The following TNFRSF1B variants were observed in gnomAD, a reference collection of about 807,000 sequenced individuals.
TNFRSF1B encodes the protein TNF receptor superfamily member 1B.
A neutral mutation model predicts 44.6 loss-of-function variants in TNFRSF1B; 19 were observed. The observed-to-expected ratio is 0.43, with a 90% CI of 0.30 to 0.62. TNFRSF1B has a LOEUF of 0.62. TNFRSF1B is among the 20% of genes least tolerant of loss of function. The pLI, the probability that TNFRSF1B is intolerant of heterozygous loss-of-function variation, is 0.16. For synonymous variants in TNFRSF1B, 252 were observed against 261.1 expected (o/e 0.97, Z 0.34); for missense variants, 541 against 619.9 (o/e 0.87, Z 1.35).
intron 1 of TNFRSF1B, 80 bp from the exon 2 acceptor site, chr1:12,188,716 C>A: frequency 7.5e-7 from 1 of 1,329,512 alleles, no homozygotes; most frequent in Non-Finnish European, 1.1e-6. Flanking sequence ...CAAACATTTG[C>A]AGGGCGGGGA....
intron 9 of TNFRSF1B, among the ~76,000 whole-genome samples, chr1:12,203,902 G>T (rs1486350105): frequency 6.6e-6 from 1 of 152,200 alleles, no homozygotes; most frequent in Non-Finnish European, 1.5e-5. Context: ...GCTAACTTTT[G>T]TACTTTTAGT....
intron 7 of TNFRSF1B, 144 bp from the exon 8 acceptor site, chr1:12,194,440 T>C: frequency 2.5e-6 from 2 of 797,516 alleles, no homozygotes; most frequent in Non-Finnish European, 2.1e-6. Flanking sequence ...GGTGGGGGCT[T>C]CTGTGGACCT....
intron 1 of TNFRSF1B, among the ~76,000 whole-genome samples, chr1:12,183,165 G>C (rs1400046917): frequency 6.6e-6 from 1 of 152,200 alleles, no homozygotes; most frequent in Non-Finnish European, 1.5e-5. Flanking sequence ...TCTTAGAGGA[G>C]GGAGCCCAAT....
intron 1 of TNFRSF1B, among the ~76,000 whole-genome samples, chr1:12,176,380 T>C (rs878992383): frequency 1.2e-4 from 19 of 152,176 alleles, no homozygotes; most frequent in African/African-American, 4.1e-4. Context: ...ACCAATTACA[T>C]TGAGAAAACT....
chr1:12,170,107 G>T (rs1451526654), intron 1 of TNFRSF1B, among the ~76,000 whole-genome samples: 1 of 152,222 alleles, frequency 6.6e-6, no homozygotes, highest in Non-Finnish European at 1.5e-5. Flanking sequence ...TTGACTGAGG[G>T]TGTGGTCTGT....
intron 8 of TNFRSF1B, 26 bp downstream of exon 8, chr1:12,194,644 C>A: frequency 1.9e-6 from 3 of 1,613,960 alleles, no homozygotes; most frequent in South Asian, 1.1e-5. Context: ...GCCCTCTCCC[C>A]CTCTTCCCCT....
chr1:12,198,322 A>G (rs1336494045), intron 8 of TNFRSF1B, among the ~76,000 whole-genome samples: 1 of 151,928 alleles, frequency 6.6e-6, no homozygotes, highest in African/African-American at 2.4e-5. Flanking sequence ...CTTGTCCCCC[A>G]TTATATGGCC....
In TNFRSF1B at chr1:12,174,250, C is replaced by T. The variant is rs563802363; in HGVS notation, c.78+7081C>T. On this transcript the variant is annotated intron_variant, in intron 1 of 9. Transcript: ENST00000376259. ...TCCTTCTCCTTCTCCTTCTCCTTCT[C>T]CTTCTCCTTCTTCTTCTGATGGAGT... is the stretch of plus-strand genomic sequence containing the variant. Among the ~76,000 whole-genome samples the T allele has an allele frequency of 7.3e-3, 1,040 of 142,412 alleles. 17 individuals carry two copies. Among genetic ancestry groups the T allele is most frequent in the African/African-American group, 0.026 (957 of 37,136 alleles). The allele number at this position is 142,412 out of a possible 152,430, so 93.4% of individuals were successfully genotyped here. A position where few individuals can be genotyped will look rare whatever the true frequency, so the allele number is the denominator to read the frequency against.
intron 6 of TNFRSF1B, 150 bp from the exon 7 acceptor site, chr1:12,193,805 G>A (rs1258679560): frequency 7.8e-6 from 5 of 643,950 alleles, no homozygotes; most frequent in Non-Finnish European, 1.1e-5. Flanking sequence ...AGACATGATT[G>A]CTTTGTAATT....
rs746492476 is a variant in TNFRSF1B, at chr1:12,177,381, G to A, written c.78+10212G>A. On this transcript the variant is annotated intron_variant, in intron 1 of 9. Coordinates refer to ENST00000376259, the MANE Select transcript of TNFRSF1B (RefSeq NM_001066.3). This position sits in a 1 kb window ranked among gnomAD's most constrained non-coding sequence, Gnocchi z 4.3. ...TTGCAGTCGGTCACAGGGCCAGCCC[G>A]GTCCTGGTCACCGCTGGCTGGTTAC... is the stretch of plus-strand genomic sequence containing the variant. Among the ~76,000 whole-genome samples, 6 of 152,164 alleles carry A rather than the reference G, an allele frequency of 3.9e-5. No homozygotes were observed. Among genetic ancestry groups the A allele is most frequent in the South Asian group, 2.1e-4 (1 of 4,822 alleles).
rs1484244711 is a variant in TNFRSF1B at position 12,169,791 on chromosome 1, TG to T, written c.78+2624del. On this transcript the variant is annotated intron_variant, in intron 1 of 9. Transcript: ENST00000376259. The surrounding 1 kb of genome is among the most constrained non-coding windows in gnomAD (Gnocchi z 4.5). ...GTAAACCTGGCAGTAGGTGAGTGCT[TG>T]GTGCCCTCTGATGGGGATGAGCAGG... Among the ~76,000 whole-genome samples, 5 of 152,366 alleles carry T rather than the reference TG, an allele frequency of 3.3e-5. No homozygotes were observed. In the East Asian group the frequency reaches 9.6e-4, roughly 29 times the overall value.
At chr1:12,170,775 T>C (rs1557621920) in intron 1 of TNFRSF1B, among the ~76,000 whole-genome samples, 1 of 151,642 alleles carries the variant, frequency 6.6e-6, no homozygotes, top group Non-Finnish European at 1.5e-5. Flanking sequence ...CAAACGATTC[T>C]CCTGCCTCAG....
chr1:12,198,550 C>T (rs1212697509), intron 8 of TNFRSF1B, among the ~76,000 whole-genome samples: 1 of 152,190 alleles, frequency 6.6e-6, no homozygotes, highest in Middle Eastern at 3.2e-3. Flanking sequence ...GCCTTGTGAA[C>T]ACACAAACAG....
rs1418677816 is a variant in TNFRSF1B, at chr1:12,168,809, C to T, written c.78+1640C>T. Reference sequence around the variant, plus strand: ...AGCTGGTCTCCCGGCCCTGCCCCCTCTCCCGCTGATCCTTGGCAGAGAGAC... The same window carrying T: ...AGCTGGTCTCCCGGCCCTGCCCCCTTTCCCGCTGATCCTTGGCAGAGAGAC... On this transcript the variant is annotated intron_variant, in intron 1 of 9. Coordinates refer to ENST00000376259, the MANE Select transcript of TNFRSF1B (RefSeq NM_001066.3). This position sits in a 1 kb window ranked among gnomAD's most constrained non-coding sequence, Gnocchi z 4.7. Among the ~76,000 whole-genome samples, 1 of 152,196 alleles carries T rather than the reference C, an allele frequency of 6.6e-6. No individual in the cohort carries two copies. The highest frequency in any genetic ancestry group is 1.9e-4 in the East Asian group (1 of 5,192).
intron 1 of TNFRSF1B, among the ~76,000 whole-genome samples, chr1:12,183,586 ATCTT>A (rs1389245006): frequency 1.3e-5 from 2 of 149,684 alleles, no homozygotes; most frequent in South Asian, 2.2e-4. Flanking sequence ...CTATCTAGCT[ATCTT>A]TCTATTTTAT....
rs769949768 is a variant in TNFRSF1B at position 12,177,983 on chromosome 1, G to C, written c.79-10813G>C. 1.8e-4 allele frequency among the ~76,000 whole-genome samples: 27 copies of C among 152,238 alleles called. No homozygotes were observed. The highest frequency in any genetic ancestry group is 3.3e-4 in the Admixed American group (5 of 15,302). On this transcript the variant is annotated intron_variant, in intron 1 of 9. Transcript: ENST00000376259. This position sits in a 1 kb window ranked among gnomAD's most constrained non-coding sequence, Gnocchi z 4.3. ...GATTAACTGACGTACTTAGGGTTTT[G>C]CAGCTCACTAGAGGCAGAGCCAAGA... is the stretch of plus-strand genomic sequence containing the variant.
intron 1 of TNFRSF1B, among the ~76,000 whole-genome samples, chr1:12,183,695 T>TTCTAA (rs1305489892): frequency 7.8e-6 from 1 of 127,670 alleles, no homozygotes; most frequent in Non-Finnish European, 1.7e-5. Context: ...TATCTATCTA[T>TTCTAA]CTATCTATCT....
Position 12,205,082 on chromosome 1 carries a change from G to T in TNFRSF1B, c.1106-1658G>T, listed in dbSNP as rs35829345. On this transcript the variant is annotated intron_variant, in intron 9 of 9. Transcript: ENST00000376259. ...CTGGTTGGGGACCCCAGGAGCTGGG[G>T]GCTCTGGAGATCAGGAGATCACAGA... Among the ~76,000 whole-genome samples the T allele has an allele frequency of 3.9e-5, 6 of 152,192 alleles. No homozygotes were observed. The East Asian group carries it at 1.2e-3, about 29-fold the overall frequency.
intron 1 of TNFRSF1B, among the ~76,000 whole-genome samples, chr1:12,185,772 C>G (rs1467187160): frequency 6.6e-6 from 1 of 152,138 alleles, no homozygotes; most frequent in Non-Finnish European, 1.5e-5. Flanking sequence ...GTAACCCAGC[C>G]CGTGGTTGAG....
Sources: allele counts gnomAD v4.1 joint callset (sites outside exome capture counted in the v4.1 genomes callset), GRCh38; gene constraint gnomAD v4.1.1; non-coding constraint Gnocchi (gnomAD v3.1); transcripts MANE v1.5; gene names NCBI Gene and HGNC (gene_info 2026-07-23, HGNC 2026-07-21).